Variants in IQCM observed in about 807,000 individuals in gnomAD.
The protein encoded by IQCM is IQ motif containing M, also known as IQ domain-containing protein M.
Under a neutral mutation model 57.6 loss-of-function variants are expected in IQCM, and 45 were observed. That is an observed-to-expected ratio of 0.78 (90% confidence interval 0.62 to 1.00). The LOEUF is 1.00. Ranked by LOEUF, IQCM falls within the 50% of genes least tolerant of loss-of-function variation. IQCM has a pLI of 0.00. For missense variants in IQCM, 468 were observed against 511.6 expected (o/e 0.91, Z 0.82); for synonymous variants, 148 against 158.9 (o/e 0.93, Z 0.51).
intron 7 of IQCM, among the ~76,000 whole-genome samples, chr4:149,660,250 A>C (rs1760054666): frequency 6.6e-6 from 1 of 151,966 alleles, no homozygotes; most frequent in Non-Finnish European, 1.5e-5. Flanking sequence ...ATCACTGGCC[A>C]TCAGAGAAAT....
At chr4:149,561,622 C>T (rs1299198447) in intron 10 of IQCM, among the ~76,000 whole-genome samples, 1 of 152,034 alleles carries the variant, frequency 6.6e-6, no homozygotes, top group Non-Finnish European at 1.5e-5. Flanking sequence ...ATGGAGTTTG[C>T]AATCTATCTA....
intron 13 of IQCM, among the ~76,000 whole-genome samples, chr4:149,365,566 G>C (rs531053743): frequency 6.6e-6 from 1 of 152,116 alleles, no homozygotes. Flanking sequence ...AAGGGAAGGG[G>C]TAGCTTTATA....
chr4:149,509,266 C>CTTTTTCT (rs1055652442), intron 12 of IQCM, among the ~76,000 whole-genome samples: 8 of 151,882 alleles, frequency 5.3e-5, no homozygotes, highest in African/African-American at 1.7e-4. Flanking sequence ...TTAGATTTGA[C>CTTTTTCT]TTTTTCTTTT....
At chr4:149,518,430 G>A (rs1270885695) in intron 12 of IQCM, among the ~76,000 whole-genome samples, 2 of 152,080 alleles carry the variant, frequency 1.3e-5, no homozygotes, top group Non-Finnish European at 2.9e-5. Flanking sequence ...CTGATATGTA[G>A]GAATCCTGTA....
intron 5 of IQCM, among the ~76,000 whole-genome samples, chr4:149,731,754 G>A (rs1019495554): frequency 5.3e-5 from 8 of 152,136 alleles, no homozygotes; most frequent in Admixed American, 1.3e-4. Flanking sequence ...AAATGAACTG[G>A]GGGTAGCAAG....
At chr4:149,496,990 G>A (rs953056166) in intron 12 of IQCM, among the ~76,000 whole-genome samples, 4 of 152,186 alleles carry the variant, frequency 2.6e-5, no homozygotes, top group Admixed American at 6.5e-5. Context: ...AATATTTTAA[G>A]TGATAGAGTG....
At chr4:149,745,284 T>C (rs941056730) in intron 2 of IQCM, among the ~76,000 whole-genome samples, 9 of 152,226 alleles carry the variant, frequency 5.9e-5, no homozygotes, top group African/African-American at 2.2e-4. Flanking sequence ...CAAAGAACTA[T>C]TGAAAGTTTT....
chr4:149,814,170 C>T (rs1774839461), intron 2 of IQCM, among the ~76,000 whole-genome samples: 1 of 151,946 alleles, frequency 6.6e-6, no homozygotes, highest in African/African-American at 2.4e-5. Flanking sequence ...AACTTTGGCA[C>T]ACTACCTAAA....
At position 149,812,708 on chromosome 4, in the gene IQCM, A is replaced by G. The variant is rs76001503; in HGVS notation, c.-49+2603T>C. ...GGACTACCTTTTTGCTTTGATTGAC[A>G]GTGTACTTTATTTCTGCCCTTATAC... On this transcript the variant is annotated intron_variant, in intron 2 of 13. Coordinates refer to ENST00000636793, the MANE Select transcript of IQCM (RefSeq NM_001363507.2). Among the ~76,000 whole-genome samples the G allele has an allele frequency of 4.1e-3, 629 of 152,248 alleles. 3 individuals are homozygous for G. The highest frequency in any genetic ancestry group is 3.4e-3 in the Middle Eastern group (1 of 294).
intron 12 of IQCM, among the ~76,000 whole-genome samples, chr4:149,513,343 A>G (rs942377947): frequency 6.6e-6 from 1 of 152,150 alleles, no homozygotes; most frequent in African/African-American, 2.4e-5. Flanking sequence ...ACTTAGCTTT[A>G]AGGCTATTTT....
intron 5 of IQCM, among the ~76,000 whole-genome samples, chr4:149,689,887 G>C (rs1762820441): frequency 6.6e-6 from 1 of 151,388 alleles, no homozygotes; most frequent in East Asian, 1.9e-4. Flanking sequence ...TGAAAGAACA[G>C]CCATAATCAA....
At chr4:149,560,157 T>C (rs1749984967) in intron 10 of IQCM, among the ~76,000 whole-genome samples, 3 of 152,224 alleles carry the variant, frequency 2.0e-5, no homozygotes, top group Admixed American at 6.5e-5. Context: ...ATTTTGTTAT[T>C]ATTTCTGTTT....
At chr4:149,423,014 A>C (rs1734219922) in intron 13 of IQCM, among the ~76,000 whole-genome samples, 1 of 152,082 alleles carries the variant, frequency 6.6e-6, no homozygotes, top group African/African-American at 2.4e-5. Flanking sequence ...TGTATGATGA[A>C]ATAGTGTTAA....
intron 7 of IQCM, among the ~76,000 whole-genome samples, chr4:149,648,441 A>G (rs1480668999): frequency 1.3e-5 from 2 of 152,160 alleles, no homozygotes; most frequent in African/African-American, 2.4e-5. Flanking sequence ...AATCCAGTCT[A>G]TCGTTGGACA....
At chr4:149,636,471 T>C (rs1004196688) in intron 7 of IQCM, among the ~76,000 whole-genome samples, 1 of 152,062 alleles carries the variant, frequency 6.6e-6, no homozygotes, top group African/African-American at 2.4e-5. Context: ...GATAGACGTG[T>C]GTGGATCCTC....
chr4:149,681,988 T>C, intron 7 of IQCM, 130 bp downstream of exon 7: 1 of 402,114 alleles, frequency 2.5e-6, no homozygotes, highest in East Asian at 3.6e-5. Flanking sequence ...TGCTTATCTT[T>C]GATACAGTGT....
chr4:149,400,294 G>A lies in IQCM; in HGVS notation c.1390+33102C>T, dbSNP rs528659393. On this transcript the variant is annotated intron_variant, in intron 13 of 13. Coordinates refer to ENST00000636793, the MANE Select transcript of IQCM (RefSeq NM_001363507.2). Reference sequence around the variant, plus strand: ...CATGGACCTTAAATTATAATGGTACGTGAGCTATCTTAAGGCGAGAAGCTT... The same window carrying A: ...CATGGACCTTAAATTATAATGGTACATGAGCTATCTTAAGGCGAGAAGCTT... 5.5e-4 allele frequency among the ~76,000 whole-genome samples: 83 copies of A among 151,356 alleles called. 1 individual carries two copies. The South Asian group carries it at 0.015, about 28-fold the overall frequency.
chr4:149,367,879 T>A (rs1729951865), intron 13 of IQCM, among the ~76,000 whole-genome samples: 1 of 152,068 alleles, frequency 6.6e-6, no homozygotes, highest in South Asian at 2.1e-4. Flanking sequence ...CACTGTGTTT[T>A]TTCACCTATT....
intron 5 of IQCM, among the ~76,000 whole-genome samples, chr4:149,728,570 A>C (rs1766172542): frequency 6.6e-6 from 1 of 152,212 alleles, no homozygotes; most frequent in African/African-American, 2.4e-5. Flanking sequence ...CTCCTACTTG[A>C]AAATGTGGGG....
Sources: gnomAD v4.1 joint callset for allele counts (sites outside exome capture counted in the v4.1 genomes callset) on GRCh38, gnomAD v4.1.1 for gene constraint, MANE v1.5 for transcripts, NCBI Gene and HGNC (gene_info 2026-07-23, HGNC 2026-07-21) for gene names.